SLCO3A1: variants seen among roughly 807,000 people sequenced by gnomAD.
SLCO3A1 encodes PGE1 transporter.
Under a neutral mutation model 63.1 loss-of-function variants are expected in SLCO3A1, and 27 were observed. The ratio of observed to expected loss-of-function variants is 0.43; its 90% CI spans 0.32 to 0.59. The LOEUF (loss-of-function observed/expected upper bound fraction) is 0.59, where lower values mean the gene tolerates loss of function less well. Ranked by LOEUF, SLCO3A1 falls within the 20% of genes least tolerant of loss-of-function variation. SLCO3A1 has a pLI of 0.09. For synonymous variants in SLCO3A1, 473 were observed against 409.9 expected (o/e 1.15, Z -1.86); for missense variants, 773 against 945.8 (o/e 0.82, Z 2.40).
At position 92,165,834 on chromosome 15, in the gene SLCO3A1, A is replaced by T. The variant is rs2048489716; in HGVS notation, c.*2699A>T. ...TGTTTGGTTTCAAGTGAATGAAAAG[A>T]TTTCCTGGTAAGATCATTGGATTTA... On this transcript the variant is annotated 3_prime_UTR_variant, in exon 10 of 10. Coordinates refer to ENST00000318445, the MANE Select transcript of SLCO3A1 (RefSeq NM_013272.4). The T allele has an allele frequency of 2.0e-6, 2 of 985,336 alleles. No homozygotes were observed. The highest frequency in any genetic ancestry group is 2.4e-6 in the Non-Finnish European group (2 of 829,846). 61.0% of individuals were successfully genotyped at this position (985,336 alleles called of 1,614,324 possible).
intron 7 of SLCO3A1, among the ~76,000 whole-genome samples, chr15:92,146,126 T>C (rs974107947): frequency 1.3e-5 from 2 of 152,188 alleles, no homozygotes; most frequent in Non-Finnish European, 2.9e-5. Context: ...GTTTTCACTT[T>C]GTATTCATTA....
intron 2 of SLCO3A1, among the ~76,000 whole-genome samples, chr15:92,088,257 A>G (rs188066239): frequency 6.6e-6 from 1 of 152,318 alleles, no homozygotes; most frequent in Admixed American, 6.5e-5. Context: ...TAGGAATATA[A>G]AGAAGAATAA....
chr15:92,069,089 T>TCCCCCCCCCCCCCC (rs760619386), intron 2 of SLCO3A1, among the ~76,000 whole-genome samples: 28 of 59,144 alleles, frequency 4.7e-4, no homozygotes, highest in East Asian at 8.9e-4. Context: ...ATTCAAGGGC[T>TCCCCCCCCCCCCCC]CCCCCCGCCC....
chr15:92,120,759 C>T, intron 5 of SLCO3A1, 130 bp downstream of exon 5: 3 of 720,982 alleles, frequency 4.2e-6, no homozygotes, highest in Non-Finnish European at 7.1e-6. Context: ...ATATATGTGG[C>T]CTCTGTGCAC....
intron 2 of SLCO3A1, among the ~76,000 whole-genome samples, chr15:92,023,866 T>C (rs1207819885): frequency 6.6e-6 from 1 of 152,250 alleles, no homozygotes; most frequent in African/African-American, 2.4e-5. Context: ...CTTATCCCAT[T>C]GATCCTTACC....
chr15:91,925,171 A>G (rs1898970508), intron 2 of SLCO3A1, among the ~76,000 whole-genome samples: 1 of 152,254 alleles, frequency 6.6e-6, no homozygotes, highest in Admixed American at 6.5e-5. Flanking sequence ...ATTTCCTCTA[A>G]TAACATGCGT....
intron 1 of SLCO3A1, among the ~76,000 whole-genome samples, chr15:91,857,387 A>G (rs1567158915): frequency 6.6e-6 from 1 of 152,256 alleles, no homozygotes; most frequent in Non-Finnish European, 1.5e-5. Flanking sequence ...CAGATAAACC[A>G]ATAGTCACAG....
intron 2 of SLCO3A1, among the ~76,000 whole-genome samples, chr15:92,067,980 GCA>G (rs2047171662): frequency 6.6e-6 from 1 of 152,054 alleles, no homozygotes; most frequent in African/African-American, 2.4e-5. Flanking sequence ...TTTTTTAAGG[GCA>G]CTCACCCTAT....
intron 2 of SLCO3A1, among the ~76,000 whole-genome samples, chr15:92,015,830 A>G (rs1255846992): frequency 1.3e-5 from 2 of 152,184 alleles, no homozygotes; most frequent in Non-Finnish European, 2.9e-5. Context: ...CCGAGCTTAT[A>G]GGAACATGGC....
At chr15:92,036,034 G>A (rs1046728568) in intron 2 of SLCO3A1, among the ~76,000 whole-genome samples, 2 of 152,142 alleles carry the variant, frequency 1.3e-5, no homozygotes, top group African/African-American at 4.8e-5. Flanking sequence ...CTGGGGCGTG[G>A]CCACTGCCCA....
intron 1 of SLCO3A1, among the ~76,000 whole-genome samples, chr15:91,890,849 C>T (rs1003554058): frequency 6.6e-6 from 1 of 152,202 alleles, no homozygotes; most frequent in Non-Finnish European, 1.5e-5. Flanking sequence ...CACTACTGCC[C>T]TGGCCAGACT....
chr15:91,990,230 C>G (rs2046109459), intron 2 of SLCO3A1, among the ~76,000 whole-genome samples: 1 of 152,162 alleles, frequency 6.6e-6, no homozygotes, highest in Non-Finnish European at 1.5e-5. Flanking sequence ...AATGTCAGAG[C>G]TAGAGTTTTG....
chr15:92,007,988 A>G (rs755032296), intron 2 of SLCO3A1, among the ~76,000 whole-genome samples: 22 of 152,180 alleles, frequency 1.4e-4, no homozygotes, highest in Admixed American at 7.2e-4. Flanking sequence ...TTTCGAACCT[A>G]CAGGTCAAAT....
rs565342493 is a variant in SLCO3A1 at position 92,127,233 on chromosome 15, A to T, written c.1373+974A>T. ...TCAGATATGTCTTCTTCCCGTTTGC[A>T]CCTGCTATGCATAACAGCTGTCTCA... On this transcript the variant is annotated intron_variant, in intron 6 of 9. Transcript: ENST00000318445. Among the ~76,000 whole-genome samples, 3 of 152,242 alleles carry T rather than the reference A, an allele frequency of 2.0e-5. No individual in the cohort carries two copies. In the East Asian group the frequency reaches 5.8e-4, roughly 29 times the overall value.
chr15:91,868,055 A>T (rs1439652941), intron 1 of SLCO3A1, among the ~76,000 whole-genome samples: 17 of 151,348 alleles, frequency 1.1e-4, no homozygotes, highest in African/African-American at 2.2e-4. Context: ...CTTTTTTTTT[A>T]AATTTTTTTT....
At chr15:92,099,665 C>G (rs985456073) in intron 3 of SLCO3A1, among the ~76,000 whole-genome samples, 6 of 152,150 alleles carry the variant, frequency 3.9e-5, no homozygotes, top group Non-Finnish European at 8.8e-5. Flanking sequence ...TAACCTTTGA[C>G]AGAGAGAGCA....
intron 3 of SLCO3A1, 22 bp downstream of exon 3, chr15:92,095,001 C>T: frequency 6.7e-7 from 1 of 1,488,698 alleles, no homozygotes; most frequent in Non-Finnish European, 9.4e-7. Context: ...ATCTCCATGT[C>T]TACCTTCCAT....
At chr15:91,918,048 A>C (rs1898719945) in intron 2 of SLCO3A1, among the ~76,000 whole-genome samples, 1 of 152,302 alleles carries the variant, frequency 6.6e-6, no homozygotes, top group East Asian at 1.9e-4. Flanking sequence ...GTGCTGTATC[A>C]CTTCTGCCTG....
intron 3 of SLCO3A1, among the ~76,000 whole-genome samples, chr15:92,098,409 G>A (rs1281152729): frequency 6.6e-6 from 1 of 152,176 alleles, no homozygotes; most frequent in Non-Finnish European, 1.5e-5. Flanking sequence ...CTCAGCTCAG[G>A]GAGAATAAAT....
Sources: allele counts gnomAD v4.1 joint callset (sites outside exome capture counted in the v4.1 genomes callset), GRCh38; gene constraint gnomAD v4.1.1; transcripts MANE v1.5; gene names NCBI Gene and HGNC (gene_info 2026-07-23, HGNC 2026-07-21).